The following PTPRT variants were observed in gnomAD, a reference collection of about 807,000 sequenced individuals.
The protein encoded by PTPRT is receptor-type tyrosine-protein phosphatase T.
In PTPRT, 56 loss-of-function variants were observed where a neutral mutation model predicts 176.8. The observed-to-expected ratio is 0.32, with a 90% CI of 0.26 to 0.40. The LOEUF is 0.40. Ranked by LOEUF, PTPRT falls within the 10% of genes least tolerant of loss-of-function variation. PTPRT has a pLI of 1.00. For missense variants in PTPRT, 1,540 were observed against 1,908.2 expected (o/e 0.81, Z 3.60); for synonymous variants, 783 against 739.0 (o/e 1.06, Z -0.96).
intron 9 of PTPRT, among the ~76,000 whole-genome samples, chr20:42,415,504 G>A (rs914145196): frequency 2.6e-5 from 4 of 152,204 alleles, no homozygotes; most frequent in East Asian, 3.9e-4. Context: ...GAGCCACCAT[G>A]TCTAGCCCAG....
chr20:42,869,943 T>C (rs2078816699), intron 2 of PTPRT, among the ~76,000 whole-genome samples: 1 of 152,174 alleles, frequency 6.6e-6, no homozygotes, highest in Non-Finnish European at 1.5e-5. Context: ...AGGTAGGCCC[T>C]TTTTGTCCTT....
chr20:42,538,029 A>G (rs562753121), intron 7 of PTPRT, among the ~76,000 whole-genome samples: 90 of 152,308 alleles, frequency 5.9e-4, no homozygotes, highest in African/African-American at 2.2e-3. Context: ...ACATTTAAAT[A>G]TAACAGATGA....
rs1199668949 is a variant in PTPRT at position 42,184,514 on chromosome 20, T to TC, written c.2491+14725dup. Reference sequence around the variant, plus strand: ...CTTCCTCCCCCCTTCCTCCTCCTCCTCCTCCTTCTTCTTCTTCTTCCTCTT... The same window carrying TC: ...CTTCCTCCCCCCTTCCTCCTCCTCCTCCCTCCTTCTTCTTCTTCTTCCTCTT... On this transcript the variant is annotated intron_variant, in intron 16 of 30. Transcript: ENST00000373187. 3.0e-3 allele frequency among the ~76,000 whole-genome samples: 342 copies of TC among 112,618 alleles called. 6 individuals carry two copies. Among genetic ancestry groups the TC allele is most frequent in the African/African-American group, 0.011 (319 of 29,936 alleles). The allele number at this position is 112,618 out of a possible 152,430, so 73.9% of individuals were successfully genotyped here. A position where few individuals can be genotyped will look rare whatever the true frequency, so the allele number is the denominator to read the frequency against.
intron 25 of PTPRT, among the ~76,000 whole-genome samples, chr20:42,103,624 C>T (rs1474403043): frequency 6.6e-6 from 1 of 152,182 alleles, no homozygotes; most frequent in Non-Finnish European, 1.5e-5. Flanking sequence ...TGCCACCATG[C>T]CTGGCTCACT....
intron 2 of PTPRT, among the ~76,000 whole-genome samples, chr20:42,858,780 T>A (rs1470237043): frequency 6.6e-6 from 1 of 152,210 alleles, no homozygotes; most frequent in Non-Finnish European, 1.5e-5. Flanking sequence ...GGTTGGGGGA[T>A]CCTCAGTAGG....
intron 3 of PTPRT, among the ~76,000 whole-genome samples, chr20:42,782,401 C>G (rs890744999): frequency 1.3e-5 from 2 of 152,204 alleles, no homozygotes; most frequent in Non-Finnish European, 1.5e-5. Flanking sequence ...TGTATTTCTA[C>G]CTAGGTACCA....
chr20:42,915,061 A>G, intron 1 of PTPRT, among the ~76,000 whole-genome samples: 1 of 144,054 alleles, frequency 6.9e-6, no homozygotes, highest in East Asian at 1.9e-4. Flanking sequence ...AGGGAAAAAG[A>G]TATAATTAAG....
At chr20:43,075,484 G>T (rs1195212500) in intron 1 of PTPRT, among the ~76,000 whole-genome samples, 1 of 152,238 alleles carries the variant, frequency 6.6e-6, no homozygotes. Flanking sequence ...CACTCGTCAG[G>T]TTCCATCCCA....
chr20:42,871,387 T>C (rs915256654), intron 2 of PTPRT, among the ~76,000 whole-genome samples: 1 of 152,114 alleles, frequency 6.6e-6, no homozygotes, highest in Non-Finnish European at 1.5e-5. Flanking sequence ...GTATTCCAGA[T>C]AGTAACCCTA....
intron 9 of PTPRT, among the ~76,000 whole-genome samples, chr20:42,367,531 T>C (rs1204984533): frequency 6.6e-6 from 1 of 152,066 alleles, no homozygotes; most frequent in Non-Finnish European, 1.5e-5. Context: ...GGGAGAAAAA[T>C]ATAATGAATG....
chr20:42,904,296 C>T (rs575978931), intron 1 of PTPRT, among the ~76,000 whole-genome samples: 6 of 152,188 alleles, frequency 3.9e-5, no homozygotes, highest in East Asian at 1.9e-4. Flanking sequence ...GAACTTCTAA[C>T]GAAGCTGCAA....
chr20:42,517,858 G>A (rs2072098378), intron 7 of PTPRT, among the ~76,000 whole-genome samples: 1 of 151,914 alleles, frequency 6.6e-6, no homozygotes, highest in Admixed American at 6.6e-5. Flanking sequence ...ATAACAGATT[G>A]AGTTGAGGAT....
chr20:42,772,386 C>G lies in PTPRT; in HGVS notation c.569-836G>C, dbSNP rs576383385. Among the ~76,000 whole-genome samples the G allele has an allele frequency of 1.4e-3, 208 of 152,280 alleles. 1 individual carries two copies. Among genetic ancestry groups the G allele is most frequent in the Non-Finnish European group, 2.0e-3 (136 of 68,030 alleles). On this transcript the variant is annotated intron_variant, in intron 4 of 30. Coordinates refer to ENST00000373187, the MANE Select transcript of PTPRT (RefSeq NM_007050.6). The stretch of plus-strand genomic sequence containing the variant: ...TTACTCTGTGATGGTGCTTTCTGAG[C>G]ATGAGGGGGAGCGTTGATTCTAGGG...
intron 8 of PTPRT, among the ~76,000 whole-genome samples, chr20:42,458,241 T>C (rs1207247184): frequency 6.6e-6 from 1 of 152,172 alleles, no homozygotes; most frequent in Non-Finnish European, 1.5e-5. Flanking sequence ...AGGACAGTAG[T>C]TTAAGAAGAG....
intron 7 of PTPRT, among the ~76,000 whole-genome samples, chr20:42,531,260 T>C (rs961802725): frequency 2.0e-5 from 3 of 152,246 alleles, no homozygotes; most frequent in African/African-American, 4.8e-5. Flanking sequence ...TCTCCTTTTC[T>C]ATTCAGAAGA....
At chr20:42,644,195 T>C (rs987620911) in intron 7 of PTPRT, among the ~76,000 whole-genome samples, 1 of 152,140 alleles carries the variant, frequency 6.6e-6, no homozygotes, top group African/African-American at 2.4e-5. Context: ...CCAGGCCTCA[T>C]TGTCTCTGTC....
chr20:42,656,619 T>C (rs1398389294), intron 7 of PTPRT, among the ~76,000 whole-genome samples: 3 of 152,166 alleles, frequency 2.0e-5, no homozygotes, highest in African/African-American at 7.2e-5. Flanking sequence ...CTCAAAGTCT[T>C]GAAAATGCTC....
chr20:42,809,076 C>T (rs1474968783), intron 2 of PTPRT, among the ~76,000 whole-genome samples: 1 of 152,182 alleles, frequency 6.6e-6, no homozygotes, highest in African/African-American at 2.4e-5. Context: ...TGTGCATCAA[C>T]AAGCAATATG....
At chr20:42,864,698 T>C (rs1424802263) in intron 2 of PTPRT, among the ~76,000 whole-genome samples, 1 of 152,224 alleles carries the variant, frequency 6.6e-6, no homozygotes, top group Non-Finnish European at 1.5e-5. Flanking sequence ...TATATGCCTC[T>C]GGAATCTCTT....
Sources: gnomAD v4.1 joint callset for allele counts (sites outside exome capture counted in the v4.1 genomes callset) on GRCh38, gnomAD v4.1.1 for gene constraint, MANE v1.5 for transcripts, NCBI Gene and HGNC (gene_info 2026-07-23, HGNC 2026-07-21) for gene names.